GPC3: variants seen among roughly 807,000 people sequenced by gnomAD.
GPC3 encodes the protein glypican-3.
Under a neutral mutation model 34.4 loss-of-function variants are expected in GPC3, and 3 were observed. The observed-to-expected ratio is 0.09, with a 90% confidence interval of 0.04 to 0.23. The LOEUF is 0.23. Ranked by LOEUF, GPC3 falls within the 10% of genes least tolerant of loss-of-function variation. GPC3 has a pLI of 1.00. For missense variants in GPC3, 351 were observed against 445.6 expected, an observed-to-expected ratio of 0.79 and a Z score of 1.91; for synonymous variants, 177 against 174.0, an observed-to-expected ratio of 1.02 and a Z score of -0.13.
intron 2 of GPC3, among the ~76,000 whole-genome samples, chrX:133,794,673 C>CCTT (rs1399898901): frequency 2.7e-5 from 3 of 111,825 alleles, no homozygotes; most frequent in Non-Finnish European, 5.6e-5. Context: ...TGTAAACGTG[C>CCTT]CTTCACAACC....
chrX:133,790,538 A>AT (rs982001921), intron 2 of GPC3, among the ~76,000 whole-genome samples: 4 of 111,885 alleles, frequency 3.6e-5, no homozygotes, highest in African/African-American at 6.5e-5. Flanking sequence ...AAAAGAATAC[A>AT]TTTTTTGCTG....
intron 5 of GPC3, among the ~76,000 whole-genome samples, chrX:133,687,444 T>G (rs1367721501): frequency 1.2e-5 from 1 of 86,304 alleles, no homozygotes; most frequent in Non-Finnish European, 2.2e-5. Context: ...CAGGCTGGAG[T>G]GCAGTGGCAT....
chrX:133,601,714 T>G (rs1167096431), intron 6 of GPC3, among the ~76,000 whole-genome samples: 1 of 112,139 alleles, frequency 8.9e-6, no homozygotes, highest in African/African-American at 3.2e-5. Flanking sequence ...TCAAAGGGTA[T>G]GTACATACTT....
chrX:133,930,569 A>G (rs910497679), intron 2 of GPC3, among the ~76,000 whole-genome samples: 1 of 112,767 alleles, frequency 8.9e-6, no homozygotes, highest in African/African-American at 3.2e-5. Flanking sequence ...CTTCAAGTCT[A>G]TAAGAAATGC....
At chrX:133,796,861 A>G (rs1212762419) in intron 2 of GPC3, among the ~76,000 whole-genome samples, 1 of 111,340 alleles carries the variant, frequency 9.0e-6, no homozygotes, top group Non-Finnish European at 1.9e-5. Flanking sequence ...ATTACTCCCC[A>G]TAGTACCCCA....
chrX:133,828,500 C>T (rs1012554966), intron 2 of GPC3, among the ~76,000 whole-genome samples: 5 of 111,363 alleles, frequency 4.5e-5, no homozygotes, highest in African/African-American at 1.3e-4. Context: ...AATAGTGGAA[C>T]AAGAAAAAAC....
chrX:133,626,977 A>G (rs942544181), intron 6 of GPC3, among the ~76,000 whole-genome samples: 6 of 108,769 alleles, frequency 5.5e-5, no homozygotes, highest in Admixed American at 1.0e-4. Context: ...ATGTAATACT[A>G]TGCAGCTGTA....
At chrX:133,776,878 CTTTTTT>C (rs10633635) in intron 2 of GPC3, among the ~76,000 whole-genome samples, 2 of 79,630 alleles carry the variant, frequency 2.5e-5, no homozygotes, top group Non-Finnish European at 4.8e-5. Context: ...CCTTTCTTTT[CTTTTTT>C]TTTTTTTTTT....
chrX:133,701,574 T>G (rs2071168397), intron 3 of GPC3, among the ~76,000 whole-genome samples: 1 of 112,070 alleles, frequency 8.9e-6, no homozygotes, highest in South Asian at 3.7e-4. Context: ...TCAGGAAAAA[T>G]ATTAGAAATA....
intron 1 of GPC3, among the ~76,000 whole-genome samples, chrX:133,977,076 A>C (rs1410183515): frequency 8.9e-6 from 1 of 111,790 alleles, no homozygotes; most frequent in Admixed American, 9.5e-5. Context: ...CATTCAGAGA[A>C]TCAATGTTCT....
chrX:133,695,598 C>T (rs1214578832), intron 4 of GPC3, among the ~76,000 whole-genome samples: 2 of 111,732 alleles, frequency 1.8e-5, no homozygotes, highest in Non-Finnish European at 3.8e-5. Context: ...AAAATAAACA[C>T]ATAGGTGGTG....
chrX:133,749,416 C>T (rs886695824), intron 3 of GPC3, among the ~76,000 whole-genome samples: 1 of 111,588 alleles, frequency 9.0e-6, no homozygotes, highest in African/African-American at 3.3e-5. Context: ...GATCCTTTAC[C>T]ACCTCCAGTG....
chrX:133,671,746 G>A (rs780678020), intron 5 of GPC3, among the ~76,000 whole-genome samples: 9 of 110,690 alleles, frequency 8.1e-5, no homozygotes, highest in African/African-American at 3.0e-4. Context: ...ATATTGGTTT[G>A]CTGCACCCAT....
chrX:133,598,639 G>T, intron 6 of GPC3, among the ~76,000 whole-genome samples: 1 of 111,984 alleles, frequency 8.9e-6, no homozygotes. Context: ...TAATTGTGGA[G>T]ATTTTTCTTT....
intron 3 of GPC3, among the ~76,000 whole-genome samples, chrX:133,714,648 A>G (rs1050682504): frequency 6.3e-5 from 7 of 111,757 alleles, no homozygotes; most frequent in African/African-American, 2.3e-4. Flanking sequence ...TTAATTCATC[A>G]CCTACTATGT....
intron 3 of GPC3, among the ~76,000 whole-genome samples, chrX:133,702,597 C>G (rs999212043): frequency 3.6e-5 from 4 of 111,417 alleles, no homozygotes; most frequent in African/African-American, 6.5e-5. Flanking sequence ...CCCCCTCCCC[C>G]CTCACCAACC....
intron 2 of GPC3, among the ~76,000 whole-genome samples, chrX:133,944,466 C>T (rs2076358858): frequency 8.9e-6 from 1 of 111,849 alleles, no homozygotes; most frequent in African/African-American, 3.3e-5. Flanking sequence ...GAATCAGTCT[C>T]CCTTTGCTGA....
intron 2 of GPC3, among the ~76,000 whole-genome samples, chrX:133,801,444 T>A (rs183583615): frequency 9.8e-5 from 11 of 112,134 alleles, no homozygotes; most frequent in African/African-American, 3.2e-4. Context: ...TGTTTATACA[T>A]GCACCTTCCT....
chrX:133,589,233 T>C (rs925395957), intron 7 of GPC3, among the ~76,000 whole-genome samples: 19 of 111,523 alleles, frequency 1.7e-4, no homozygotes, highest in African/African-American at 6.2e-4. Flanking sequence ...CCAAATCTCA[T>C]CTAGAATTGT....
Sources: gnomAD v4.1 joint callset for allele counts (sites outside exome capture counted in the v4.1 genomes callset) on GRCh38, gnomAD v4.1.1 for gene constraint, MANE v1.5 for transcripts, NCBI Gene and HGNC (gene_info 2026-07-23, HGNC 2026-07-21) for gene names.